Variants in FBXL17 observed in about 807,000 individuals in gnomAD.
FBXL17 encodes the protein F-box and leucine rich repeat protein 17.
FBXL17 carries 22 observed loss-of-function variants against 66.2 expected under a neutral mutation model. The observed-to-expected ratio is 0.33, with a 90% CI of 0.24 to 0.47. The LOEUF (loss-of-function observed/expected upper bound fraction) is 0.47. FBXL17 is among the 20% of genes least tolerant of loss of function. FBXL17 has a pLI of 1.00. For missense variants in FBXL17, 878 were observed against 948.2 expected (o/e 0.93, Z 0.97); for synonymous variants, 474 against 400.5 (o/e 1.18, Z -2.19).
chr5:108,278,493 G>A (rs1441960985), intron 4 of FBXL17, among the ~76,000 whole-genome samples: 2 of 152,190 alleles, frequency 1.3e-5, no homozygotes, highest in Non-Finnish European at 2.9e-5. Flanking sequence ...AGCCCCCAGT[G>A]CTAGAAGCAG....
chr5:107,891,648 A>C (rs1749200694), intron 7 of FBXL17, among the ~76,000 whole-genome samples: 3 of 152,152 alleles, frequency 2.0e-5, no homozygotes, highest in Admixed American at 6.5e-5. Flanking sequence ...GGATGTAAAA[A>C]GAAAAAAAAA....
intron 6 of FBXL17, among the ~76,000 whole-genome samples, chr5:108,045,286 C>A (rs1471823529): frequency 4.0e-5 from 6 of 151,848 alleles, no homozygotes; most frequent in African/African-American, 1.2e-4. Context: ...CAAAAAAATA[C>A]AAAAAATTAG....
At chr5:108,340,061 T>C (rs1448023994) in intron 4 of FBXL17, among the ~76,000 whole-genome samples, 1 of 152,200 alleles carries the variant, frequency 6.6e-6, no homozygotes, top group East Asian at 1.9e-4. Flanking sequence ...CATTCATTCT[T>C]TATTGCTTTC....
chr5:108,152,068 T>C (rs1166729911), intron 6 of FBXL17, among the ~76,000 whole-genome samples: 4 of 152,134 alleles, frequency 2.6e-5, no homozygotes, highest in Non-Finnish European at 5.9e-5. Flanking sequence ...CCTGAATACA[T>C]AGGTGACTTA....
intron 6 of FBXL17, among the ~76,000 whole-genome samples, chr5:108,047,212 C>A (rs1264445249): frequency 6.6e-6 from 1 of 152,196 alleles, no homozygotes; most frequent in Non-Finnish European, 1.5e-5. Flanking sequence ...GAGAGCCACA[C>A]GGGGCAGGGG....
intron 6 of FBXL17, among the ~76,000 whole-genome samples, chr5:108,029,857 C>A (rs76309350): frequency 6.6e-6 from 1 of 151,540 alleles, no homozygotes; most frequent in African/African-American, 2.4e-5. Context: ...GATTAGAATT[C>A]GAGATTCCAG....
At chr5:108,130,773 C>T (rs1252906665) in intron 6 of FBXL17, among the ~76,000 whole-genome samples, 1 of 152,012 alleles carries the variant, frequency 6.6e-6, no homozygotes, top group Non-Finnish European at 1.5e-5. Context: ...GATGGCACAA[C>T]CACATTAGCC....
intron 6 of FBXL17, among the ~76,000 whole-genome samples, chr5:108,153,623 T>C (rs1751854786): frequency 6.6e-6 from 1 of 152,154 alleles, no homozygotes; most frequent in African/African-American, 2.4e-5. Context: ...AGTTCCATGA[T>C]CAGCACTTGG....
intron 4 of FBXL17, among the ~76,000 whole-genome samples, chr5:108,255,408 T>C (rs1285926950): frequency 1.3e-5 from 2 of 152,184 alleles, no homozygotes; most frequent in Non-Finnish European, 2.9e-5. Context: ...TGTTCAATGA[T>C]CCCTACATTT....
intron 6 of FBXL17, among the ~76,000 whole-genome samples, chr5:108,173,679 A>G (rs1752690353): frequency 6.6e-6 from 1 of 152,196 alleles, no homozygotes; most frequent in Non-Finnish European, 1.5e-5. Flanking sequence ...AATTGCTTCT[A>G]TGGAAAGACA....
chr5:108,287,268 T>C (rs74495776), intron 4 of FBXL17, among the ~76,000 whole-genome samples: 7,606 of 151,880 alleles, frequency 0.05, 633 homozygotes, highest in African/African-American at 0.17. Flanking sequence ...AATTGACAAA[T>C]AGGACCTCAT....
intron 6 of FBXL17, among the ~76,000 whole-genome samples, chr5:108,174,879 A>C (rs188350262): frequency 6.5e-4 from 99 of 152,240 alleles, no homozygotes; most frequent in Non-Finnish European, 1.5e-4. Context: ...AGTCCCTATT[A>C]AAAGGGCAAA....
intron 4 of FBXL17, among the ~76,000 whole-genome samples, chr5:108,307,684 T>A (rs1014171811): frequency 7.2e-5 from 11 of 152,084 alleles, no homozygotes; most frequent in African/African-American, 1.9e-4. Flanking sequence ...ATAGTTGATC[T>A]TTGCACAAAG....
chr5:108,273,348 A>AAATAAT lies in FBXL17; in HGVS notation c.1507-49126_1507-49121dup, dbSNP rs34203508. Among the ~76,000 whole-genome samples the AAATAAT allele has an allele frequency of 8.7e-5, 13 of 150,088 alleles. No homozygotes were observed. In the East Asian group the frequency reaches 2.3e-3, roughly 27 times the overall value. Reference sequence around the variant, plus strand: ...AAAACTTAAAGTATAATAATAATAAAAATAATAATAATAATAAAAGGAAAA... The same window carrying AAATAAT: ...AAAACTTAAAGTATAATAATAATAAAAATAATAATAATAATAATAATAAAAGGAAAA... On this transcript the variant is annotated intron_variant, in intron 4 of 8. Transcript: ENST00000542267.
chr5:108,198,401 A>T (rs914283007), intron 5 of FBXL17, among the ~76,000 whole-genome samples: 1 of 152,204 alleles, frequency 6.6e-6, no homozygotes, highest in Non-Finnish European at 1.5e-5. Context: ...AACAGGAGTC[A>T]CAGACTCTGG....
chr5:108,088,700 C>CAAAAAAAAAAAAAAAAA lies in FBXL17; in HGVS notation c.1746-67716_1746-67700dup, dbSNP rs57707936. Among the ~76,000 whole-genome samples, 7 of 49,344 alleles carry CAAAAAAAAAAAAAAAAA rather than the reference C, an allele frequency of 1.4e-4. 1 individual carries two copies. Among genetic ancestry groups the CAAAAAAAAAAAAAAAAA allele is most frequent in the African/African-American group, 6.1e-4 (7 of 11,554 alleles). The allele number at this position is 49,344 out of a possible 152,430, so 32.4% of individuals were successfully genotyped here. On this transcript the variant is annotated intron_variant, in intron 6 of 8. Coordinates refer to ENST00000542267, the MANE Select transcript of FBXL17 (RefSeq NM_001163315.3). Reference sequence around the variant, plus strand: ...TGGCCGACAGAGCGAGACTCTATCTCAAAAAAAAAAAAAAAAAAAAAAAAA... The same window carrying CAAAAAAAAAAAAAAAAA: ...TGGCCGACAGAGCGAGACTCTATCTCAAAAAAAAAAAAAAAAAAAAAAAAAAAAAAAAAAAAAAAAAA...
intron 4 of FBXL17, among the ~76,000 whole-genome samples, chr5:108,284,868 A>C (rs1486178377): frequency 6.6e-6 from 1 of 151,840 alleles, no homozygotes; most frequent in African/African-American, 2.4e-5. Context: ...ATAAGACAAC[A>C]GTGTTTGATG....
chr5:107,863,260 G>A (rs1369170311), intron 8 of FBXL17, among the ~76,000 whole-genome samples: 5 of 151,272 alleles, frequency 3.3e-5, no homozygotes, highest in African/African-American at 1.2e-4. Flanking sequence ...AGTACATTTA[G>A]GAGTCATGTA....
chr5:108,155,978 C>T (rs1035753479), intron 6 of FBXL17, among the ~76,000 whole-genome samples: 3 of 152,060 alleles, frequency 2.0e-5, no homozygotes, highest in African/African-American at 4.8e-5. Context: ...AAAAGGCTAC[C>T]TTTTGCTGGA....
Sources: allele counts gnomAD v4.1 joint callset (sites outside exome capture counted in the v4.1 genomes callset), GRCh38; gene constraint gnomAD v4.1.1; transcripts MANE v1.5; gene names NCBI Gene and HGNC (gene_info 2026-07-23, HGNC 2026-07-21).